The following PTPRD variants were observed in gnomAD, a reference collection of about 807,000 sequenced individuals.
PTPRD encodes the protein receptor-type tyrosine-protein phosphatase delta.
A neutral mutation model predicts 214.5 loss-of-function variants in PTPRD; 34 were observed. That is an observed-to-expected ratio of 0.16 (90% CI 0.12 to 0.21). The LOEUF (loss-of-function observed/expected upper bound fraction) is 0.21, where lower values mean the gene tolerates loss of function less well. PTPRD is among the 10% of genes least tolerant of loss of function. The pLI is 1.00. For synonymous variants in PTPRD, 1,128 were observed against 845.7 expected, an observed-to-expected ratio of 1.33 and a Z score of -5.79; for missense variants, 2,545 against 2,398.7, an observed-to-expected ratio of 1.06 and a Z score of -1.27.
At chr9:10,353,667 C>A (rs1045610178) in intron 2 of PTPRD, among the ~76,000 whole-genome samples, 3 of 151,800 alleles carry the variant, frequency 2.0e-5, no homozygotes, top group Non-Finnish European at 4.4e-5. Flanking sequence ...GTTTAAAAAT[C>A]AAGACTATCC....
rs59027035 is a variant in PTPRD, at chr9:9,636,131, C to T, written c.-286-61350G>A. 2.3e-3 allele frequency among the ~76,000 whole-genome samples: 344 copies of T among 152,288 alleles called. 1 individual carries two copies. The highest frequency in any genetic ancestry group is 7.9e-3 in the African/African-American group (327 of 41,574). On this transcript the variant is annotated intron_variant, in intron 7 of 45. Transcript: ENST00000381196. ...TCTCCAGCTTACAGGATATTTTTCACGTGTTCTTCTCCTGACCTGAAACAC... is the reference window on the plus strand; with the variant it reads ...TCTCCAGCTTACAGGATATTTTTCATGTGTTCTTCTCCTGACCTGAAACAC...
At position 9,746,052 on chromosome 9, in the gene PTPRD, C is replaced by A. The variant is rs190087228; in HGVS notation, c.-325-11481G>T. On this transcript the variant is annotated intron_variant, in intron 6 of 45. Transcript: ENST00000381196. The stretch of plus-strand genomic sequence containing the variant: ...TATATGAGTACTCTAGTATGAGAAA[C>A]CAAGTTTCCTCAGGAAACCCAAGAG... Among the ~76,000 whole-genome samples the A allele has an allele frequency of 2.2e-4, 33 of 152,116 alleles. 1 individual carries two copies. Among genetic ancestry groups the A allele is most frequent in the African/African-American group, 7.9e-4 (33 of 41,518 alleles).
At chr9:9,515,556 T>A (rs552508674) in intron 8 of PTPRD, among the ~76,000 whole-genome samples, 18 of 152,248 alleles carry the variant, frequency 1.2e-4, no homozygotes, top group African/African-American at 4.3e-4. Flanking sequence ...GAAAAATTGT[T>A]CTTTTCTCGA....
At chr9:8,979,154 T>C (rs1259166662) in intron 11 of PTPRD, among the ~76,000 whole-genome samples, 1 of 152,176 alleles carries the variant, frequency 6.6e-6, no homozygotes, top group East Asian at 1.9e-4. Flanking sequence ...GTTGTTTAAA[T>C]TCAAAAGATT....
In PTPRD at chr9:9,667,013, T is replaced by C. The variant is rs549936153; in HGVS notation, c.-287+67520A>G. Among the ~76,000 whole-genome samples, 433 of 152,220 alleles carry C rather than the reference T, an allele frequency of 2.8e-3. 2 individuals are homozygous for C. The highest frequency in any genetic ancestry group is 9.8e-3 in the African/African-American group (409 of 41,556). On this transcript the variant is annotated intron_variant, in intron 7 of 45. Transcript: ENST00000381196. ...CATCGTTTCTCTTTAAATATATTAC[T>C]TGGTTACCCTCAAAGTGCAAACATA...
intron 3 of PTPRD, among the ~76,000 whole-genome samples, chr9:10,230,452 C>T (rs142184912): frequency 1.7e-5 from 2 of 115,790 alleles, no homozygotes; most frequent in African/African-American, 6.5e-5. Flanking sequence ...ATCTATCTAT[C>T]TATCTATCTA....
rs182194003 is a variant in PTPRD at position 9,067,823 on chromosome 9, T to C, written c.-142-49088A>G. Among the ~76,000 whole-genome samples the C allele has an allele frequency of 1.6e-3, 242 of 152,312 alleles. 3 individuals carry two copies. Among genetic ancestry groups the C allele is most frequent in the Middle Eastern group, 3.4e-3 (1 of 294 alleles). The stretch of plus-strand genomic sequence containing the variant: ...CTTGTCTAGATTTTTTTAGTTGTAT[T>C]TGTACTTGTGTCTGTGTTTATATGT... On this transcript the variant is annotated intron_variant, in intron 10 of 45. Coordinates refer to ENST00000381196, the MANE Select transcript of PTPRD (RefSeq NM_002839.4).
At chr9:8,505,748 A>G (rs1431253075) in intron 22 of PTPRD, among the ~76,000 whole-genome samples, 1 of 152,160 alleles carries the variant, frequency 6.6e-6, no homozygotes, top group Non-Finnish European at 1.5e-5. Flanking sequence ...TAGATCCACC[A>G]AGTAAGAAAT....
rs150129717 is a variant in PTPRD, at chr9:9,375,325, G to A, written c.-203+22124C>T. Among the ~76,000 whole-genome samples, 930 of 152,216 alleles carry A rather than the reference G, an allele frequency of 6.1e-3. 6 individuals carry two copies. Among genetic ancestry groups the A allele is most frequent in the Admixed American group, 9.6e-3 (146 of 15,258 alleles). The stretch of plus-strand genomic sequence containing the variant: ...TAAAAAAGAATGAAAATGGCTGGGC[G>A]CAGTGGCTCATGCTATAATCACAGA... On this transcript the variant is annotated intron_variant, in intron 9 of 45. Transcript: ENST00000381196.
chr9:8,807,736 G>A (rs1414492924), intron 11 of PTPRD, among the ~76,000 whole-genome samples: 2 of 151,930 alleles, frequency 1.3e-5, no homozygotes, highest in African/African-American at 4.8e-5. Context: ...TTCAGAACTT[G>A]ATCTTACTAA....
intron 3 of PTPRD, among the ~76,000 whole-genome samples, chr9:10,090,394 C>G (rs976319262): frequency 1.3e-5 from 2 of 151,364 alleles, no homozygotes; most frequent in Non-Finnish European, 3.0e-5. Context: ...GTCTCAAACA[C>G]TGCAGTGAGG....
At chr9:9,994,168 C>T (rs1026909333) in intron 4 of PTPRD, among the ~76,000 whole-genome samples, 1 of 152,146 alleles carries the variant, frequency 6.6e-6, no homozygotes, top group Non-Finnish European at 1.5e-5. Context: ...TCCATAACCA[C>T]GGACCTAATC....
chr9:9,737,593 CACA>C (rs560581416), intron 6 of PTPRD, among the ~76,000 whole-genome samples: 2 of 152,100 alleles, frequency 1.3e-5, no homozygotes, highest in Non-Finnish European at 2.9e-5. Context: ...AATGGAATCA[CACA>C]ACATGTGACC....
Position 8,317,845 on chromosome 9 carries a change from A to T in PTPRD, c.*29T>A. On this transcript the variant is annotated 3_prime_UTR_variant, in exon 46 of 46. Transcript: ENST00000381196. Reference sequence around the variant, plus strand: ...ACTCCATGGATATTGAAGGGCCTGTAGTAAAAATCCAGAATGGGTCAGGGG... The same window carrying T: ...ACTCCATGGATATTGAAGGGCCTGTTGTAAAAATCCAGAATGGGTCAGGGG... The T allele has an allele frequency of 6.2e-7, 1 of 1,605,274 alleles. No homozygotes were observed. The highest frequency in any genetic ancestry group is 8.5e-7 in the Non-Finnish European group (1 of 1,172,626).
intron 2 of PTPRD, among the ~76,000 whole-genome samples, chr9:10,402,880 G>A (rs913618639): frequency 6.6e-6 from 1 of 151,490 alleles, no homozygotes; most frequent in Admixed American, 6.6e-5. Flanking sequence ...AGGAGTAGTA[G>A]GCTTTAGACA....
chr9:9,998,146 A>ATAT (rs1566998658), intron 4 of PTPRD, among the ~76,000 whole-genome samples: 1 of 137,768 alleles, frequency 7.3e-6, no homozygotes, highest in Non-Finnish European at 1.5e-5. Context: ...ATATATATAT[A>ATAT]AAAGAAGAAG....
intron 11 of PTPRD, among the ~76,000 whole-genome samples, chr9:8,960,150 A>G (rs2099151365): frequency 1.3e-5 from 2 of 152,030 alleles, no homozygotes; most frequent in South Asian, 4.1e-4. Flanking sequence ...CTAAGCCTCA[A>G]TTTCCTTCTT....
intron 5 of PTPRD, among the ~76,000 whole-genome samples, chr9:9,850,681 G>A (rs2060394776): frequency 1.3e-5 from 2 of 151,890 alleles, no homozygotes; most frequent in Non-Finnish European, 2.9e-5. Context: ...TTTTTATTGT[G>A]AGAACACTTA....
intron 39 of PTPRD, among the ~76,000 whole-genome samples, chr9:8,345,097 T>C (rs1856316389): frequency 1.3e-5 from 2 of 152,066 alleles, no homozygotes; most frequent in Admixed American, 6.6e-5. Context: ...CTGCTCTTCC[T>C]TTCCTCTGCC....
Sources: allele counts gnomAD v4.1 joint callset (sites outside exome capture counted in the v4.1 genomes callset), GRCh38; gene constraint gnomAD v4.1.1; transcripts MANE v1.5; gene names NCBI Gene and HGNC (gene_info 2026-07-23, HGNC 2026-07-21).